The following GRM8 variants were observed in gnomAD, a reference collection of about 807,000 sequenced individuals.
The protein encoded by GRM8 is metabotropic glutamate receptor 8.
Under a neutral mutation model 87.2 loss-of-function variants are expected in GRM8, and 47 were observed. That is an observed-to-expected ratio of 0.54 (90% CI 0.43 to 0.69). The LOEUF (loss-of-function observed/expected upper bound fraction) is 0.69, where lower values mean the gene tolerates loss of function less well. Ranked by LOEUF, GRM8 falls within the 30% of genes least tolerant of loss-of-function variation. The pLI is 0.00. For missense variants in GRM8, 1,019 were observed against 1,139.2 expected (o/e 0.89, Z 1.52); for synonymous variants, 396 against 404.5 (o/e 0.98, Z 0.25).
chr7:127,142,953 G>A (rs920494726), intron 2 of GRM8, among the ~76,000 whole-genome samples: 2 of 152,132 alleles, frequency 1.3e-5, no homozygotes, highest in Non-Finnish European at 2.9e-5. Flanking sequence ...ACTGTTGAGA[G>A]TAAGGAGATG....
At chr7:126,846,548 GCA>G (rs564162717) in intron 6 of GRM8, among the ~76,000 whole-genome samples, 50 of 152,308 alleles carry the variant, frequency 3.3e-4, no homozygotes, top group African/African-American at 1.2e-3. Context: ...TTTCTGGTAA[GCA>G]CAGAACTTTG....
chr7:127,100,842 C>A (rs1038979238), intron 3 of GRM8, among the ~76,000 whole-genome samples: 2 of 152,142 alleles, frequency 1.3e-5, no homozygotes, highest in South Asian at 2.1e-4. Flanking sequence ...ATATCACATA[C>A]CTTTATATGA....
At chr7:126,776,365 C>G (rs1819473992) in intron 6 of GRM8, among the ~76,000 whole-genome samples, 1 of 152,182 alleles carries the variant, frequency 6.6e-6, no homozygotes. Context: ...CAATGAACAA[C>G]TCAGGGTTCT....
intron 7 of GRM8, among the ~76,000 whole-genome samples, chr7:126,718,422 G>C (rs562009100): frequency 6.6e-6 from 1 of 152,034 alleles, no homozygotes; most frequent in Non-Finnish European, 1.5e-5. Flanking sequence ...AGATTTTTTG[G>C]ATTTTGATTC....
intron 8 of GRM8, among the ~76,000 whole-genome samples, chr7:126,584,756 T>A (rs1211819262): frequency 6.6e-6 from 1 of 152,172 alleles, no homozygotes. Flanking sequence ...AGGCCTGTTT[T>A]AGTCTACCTA....
intron 6 of GRM8, among the ~76,000 whole-genome samples, chr7:126,829,647 T>C (rs1221997925): frequency 6.6e-6 from 1 of 152,148 alleles, no homozygotes; most frequent in African/African-American, 2.4e-5. Flanking sequence ...GGGTCTTGAC[T>C]CTTTATCCAA....
chr7:126,893,310 C>T (rs1283657249), intron 6 of GRM8, among the ~76,000 whole-genome samples: 1 of 151,944 alleles, frequency 6.6e-6, no homozygotes, highest in Non-Finnish European at 1.5e-5. Flanking sequence ...TTATAGGACA[C>T]AGGACTATAT....
intron 7 of GRM8, among the ~76,000 whole-genome samples, chr7:126,762,967 A>G (rs1045467712): frequency 2.0e-5 from 3 of 151,904 alleles, no homozygotes; most frequent in Admixed American, 6.6e-5. Context: ...ACTTTCTTTG[A>G]TTATAAGTGA....
intron 7 of GRM8, among the ~76,000 whole-genome samples, chr7:126,725,635 G>A (rs911597205): frequency 6.6e-6 from 1 of 152,168 alleles, no homozygotes; most frequent in Non-Finnish European, 1.5e-5. Flanking sequence ...TATAATGGCT[G>A]TTCTTGCACT....
At chr7:126,993,252 C>T (rs953682265) in intron 3 of GRM8, among the ~76,000 whole-genome samples, 1 of 152,014 alleles carries the variant, frequency 6.6e-6, no homozygotes, top group African/African-American at 2.4e-5. Flanking sequence ...CTGGATAATT[C>T]ACAATAGGCA....
chr7:126,864,425 GGTGATTTCTTTAT>G (rs1331436127), intron 6 of GRM8, among the ~76,000 whole-genome samples: 3 of 151,722 alleles, frequency 2.0e-5, no homozygotes, highest in Non-Finnish European at 4.4e-5. Context: ...TTCCATCATG[GGTGATTTCTTTAT>G]AATTAACTTC....
intron 3 of GRM8, among the ~76,000 whole-genome samples, chr7:127,046,766 C>T (rs1818965630): frequency 6.6e-6 from 1 of 152,058 alleles, no homozygotes; most frequent in Middle Eastern, 3.4e-3. Flanking sequence ...TTTCTTCTTC[C>T]TTATAAACAT....
intron 7 of GRM8, among the ~76,000 whole-genome samples, chr7:126,674,370 T>C (rs997709672): frequency 5.9e-5 from 9 of 152,194 alleles, no homozygotes; most frequent in African/African-American, 1.9e-4. Flanking sequence ...TACATTGTCT[T>C]CCCTTCAGTT....
intron 3 of GRM8, among the ~76,000 whole-genome samples, chr7:127,019,879 C>T (rs1816083625): frequency 6.6e-6 from 1 of 151,992 alleles, no homozygotes; most frequent in Non-Finnish European, 1.5e-5. Flanking sequence ...ACACAATGAG[C>T]ACAAAGGCCT....
At chr7:126,702,372 A>C (rs1810034930) in intron 7 of GRM8, among the ~76,000 whole-genome samples, 2 of 152,362 alleles carry the variant, frequency 1.3e-5, no homozygotes, top group South Asian at 4.1e-4. Context: ...CTTGTACTCC[A>C]GAAACTGGAA....
At chr7:126,662,337 C>T (rs908978382) in intron 7 of GRM8, among the ~76,000 whole-genome samples, 3 of 152,110 alleles carry the variant, frequency 2.0e-5, no homozygotes, top group African/African-American at 7.2e-5. Context: ...CATCTTAAGC[C>T]TCATCAGAGC....
At chr7:127,191,065 C>T (rs966957357) in intron 2 of GRM8, among the ~76,000 whole-genome samples, 10 of 152,050 alleles carry the variant, frequency 6.6e-5, no homozygotes, top group Admixed American at 6.6e-4. Context: ...AAAATTATTT[C>T]AGTATTTTAA....
intron 9 of GRM8, among the ~76,000 whole-genome samples, chr7:126,467,112 T>C (rs568664362): frequency 1.3e-5 from 2 of 152,068 alleles, no homozygotes; most frequent in Non-Finnish European, 2.9e-5. Flanking sequence ...ATCATCTACA[T>C]TAAGTATTTC....
chr7:126,817,432 C>CAATGTCAT (rs1229392762), intron 6 of GRM8, among the ~76,000 whole-genome samples: 1 of 152,098 alleles, frequency 6.6e-6, no homozygotes, highest in Non-Finnish European at 1.5e-5. Flanking sequence ...TTCACTTAAT[C>CAATGTCAT]AATGTCATAA....
Sources: gnomAD v4.1 joint callset for allele counts (sites outside exome capture counted in the v4.1 genomes callset) on GRCh38, gnomAD v4.1.1 for gene constraint, MANE v1.5 for transcripts, NCBI Gene and HGNC (gene_info 2026-07-23, HGNC 2026-07-21) for gene names.